MAP1B: variants seen among roughly 807,000 people sequenced by gnomAD.
The protein encoded by MAP1B is microtubule associated protein 1B.
In MAP1B, 12 loss-of-function variants were observed where a neutral mutation model predicts 176.1. The observed-to-expected ratio is 0.07, with a 90% confidence interval of 0.04 to 0.11. The LOEUF (loss-of-function observed/expected upper bound fraction) is 0.11. Among genes scored for constraint, MAP1B ranks in the 10% least tolerant of loss-of-function variants. MAP1B has a pLI of 1.00. For synonymous variants in MAP1B, 1,044 were observed against 1,135.0 expected (o/e 0.92, Z 1.61); for missense variants, 2,523 against 2,990.5 (o/e 0.84, Z 3.65).
At chr5:72,121,947 T>A (rs970097723) in intron 2 of MAP1B, among the ~76,000 whole-genome samples, 1 of 152,356 alleles carries the variant, frequency 6.6e-6, no homozygotes, top group African/African-American at 2.4e-5. Context: ...CGATTCTTTA[T>A]CCTCATGTTT....
rs759097360 is a variant in MAP1B, at chr5:72,198,724, G to A, written c.5369G>A (p.Arg1790Gln). ...TCTGATATCTCTCCACTCACCCCAC[G>A]AGAGTCCTCTCCTTTATATTCACCT... ...PKSDISPLTP[R>Q]ESSPLYSPTF... The change falls in exon 5 of 7, where the codon CGA (arginine) becomes CAA (glutamine). Residue 1790 changes from arginine (R) to glutamine (Q), a missense_variant. This residue lies in a region of MAP1B where 1,925 missense variants were observed against 2,126.0 expected (regional missense o/e 0.91). Coordinates refer to ENST00000296755, the MANE Select transcript of MAP1B (RefSeq NM_005909.5). 11 of 1,614,052 alleles carry A rather than the reference G, an allele frequency of 6.8e-6. 1 individual carries two copies. The highest frequency in any genetic ancestry group is 3.3e-4 in the Middle Eastern group (2 of 6,062).
At chr5:72,149,713 G>A (rs1746108404) in intron 2 of MAP1B, among the ~76,000 whole-genome samples, 1 of 152,196 alleles carries the variant, frequency 6.6e-6, no homozygotes, top group African/African-American at 2.4e-5. Flanking sequence ...CTGATGGGTT[G>A]GAAGAGAAAA....
In MAP1B at chr5:72,195,773, A is replaced by G. The variant is rs772597241; in HGVS notation, c.2418A>G (p.Ala806=). Residue 806 remains alanine, a synonymous_variant, in exon 5 of 7, where the codon GCA becomes GCG. Transcript: ENST00000296755. ...AAAVGTGATT[A]AVMAAAGIAA... ...CTGTCGGCACTGGAGCCACCACAGC[A>G]GCTGTCATGGCGGCAGCTGGAATAG... The G allele has an allele frequency of 1.7e-5, 27 of 1,614,154 alleles. No individual in the cohort carries two copies. The South Asian group carries it at 3.0e-4, about 18-fold the overall frequency.
chr5:72,149,147 T>C (rs1187214887), intron 2 of MAP1B, among the ~76,000 whole-genome samples: 2 of 152,198 alleles, frequency 1.3e-5, no homozygotes, highest in Admixed American at 1.3e-4. Context: ...TTTAAAAAAA[T>C]TGAATATAGT....
chr5:72,129,563 A>AT (rs2112139613), intron 2 of MAP1B, among the ~76,000 whole-genome samples: 1 of 152,262 alleles, frequency 6.6e-6, no homozygotes, highest in East Asian at 1.9e-4. Context: ...TCCTAAAAAA[A>AT]AAAAAAAGTA....
At chr5:72,188,254 G>A (rs2112221213) in intron 4 of MAP1B, among the ~76,000 whole-genome samples, 1 of 152,344 alleles carries the variant, frequency 6.6e-6, no homozygotes, top group East Asian at 1.9e-4. Flanking sequence ...CCATGTGCAT[G>A]TTGTACCCGG....
chr5:72,107,791 C>A, intron 1 of MAP1B, 76 bp downstream of exon 1: 3 of 1,489,448 alleles, frequency 2.0e-6, no homozygotes, highest in South Asian at 1.2e-5. Flanking sequence ...GCGACGGTCA[C>A]TGCGCTCCTC....
chr5:72,160,906 T>G (rs142347936), intron 2 of MAP1B, among the ~76,000 whole-genome samples: 1 of 152,132 alleles, frequency 6.6e-6, no homozygotes, highest in African/African-American at 2.4e-5. Flanking sequence ...AATGAGAGGG[T>G]CTAGACTTAG....
At chr5:72,200,803 C>G (rs947798123) in intron 5 of MAP1B, among the ~76,000 whole-genome samples, 4 of 152,084 alleles carry the variant, frequency 2.6e-5, no homozygotes, top group Admixed American at 2.6e-4. Context: ...ATCAACCAGT[C>G]TAGACCCAAG....
intron 2 of MAP1B, among the ~76,000 whole-genome samples, chr5:72,178,765 TG>T (rs1746705115): frequency 3.3e-5 from 5 of 151,654 alleles, no homozygotes; most frequent in Non-Finnish European, 7.4e-5. Flanking sequence ...TGTGTGTGTG[TG>T]TGTGTAGATG....
rs762933314 is a variant in MAP1B, at chr5:72,193,906, C to T, written c.551C>T (p.Ala184Val). The T allele has an allele frequency of 6.2e-7, 1 of 1,607,774 alleles. No individual in the cohort carries two copies. Among genetic ancestry groups the T allele is most frequent in the Admixed American group, 1.7e-5 (1 of 58,668 alleles). Reference protein sequence around the residue: ...LLSTTHPANKASLTLFCPEEG... With the variant: ...LLSTTHPANKVSLTLFCPEEG... ...AGCACCACCCATCCTGCCAACAAAG[C>T]CAGCTTAACCCTGTTCTGTCCTGAA... Residue 184 changes from alanine to valine, a missense_variant, in exon 5 of 7, where the codon GCC becomes GTC. Transcript: ENST00000296755.
chr5:72,123,527 C>T (rs1333332919), intron 2 of MAP1B, among the ~76,000 whole-genome samples: 7 of 151,982 alleles, frequency 4.6e-5, no homozygotes, highest in African/African-American at 1.7e-4. Context: ...CTCTGTCGCC[C>T]AGGCTGGAGT....
intron 2 of MAP1B, among the ~76,000 whole-genome samples, chr5:72,177,477 C>T (rs895284624): frequency 7.2e-5 from 11 of 152,144 alleles, no homozygotes; most frequent in Non-Finnish European, 1.3e-4. Context: ...GGATTCCTTC[C>T]GGCCAGGCCT....
chr5:72,118,184 C>G (rs1434378679), intron 2 of MAP1B, among the ~76,000 whole-genome samples: 1 of 152,150 alleles, frequency 6.6e-6, no homozygotes, highest in African/African-American at 2.4e-5. Flanking sequence ...AAGAATCTTT[C>G]ATTGTTTTTT....
chr5:72,164,498 G>C (rs1054779194), intron 2 of MAP1B, among the ~76,000 whole-genome samples: 1 of 152,216 alleles, frequency 6.6e-6, no homozygotes, highest in African/African-American at 2.4e-5. Flanking sequence ...AGTTTAAAAA[G>C]GGGCTGATGA....
At chr5:72,126,816 C>A (rs146464700) in intron 2 of MAP1B, among the ~76,000 whole-genome samples, 1 of 152,260 alleles carries the variant, frequency 6.6e-6, no homozygotes, top group East Asian at 1.9e-4. Flanking sequence ...GGCTGATTTC[C>A]CAGTTTGGGA....
chr5:72,111,613 T>C (rs1269868880), intron 1 of MAP1B, among the ~76,000 whole-genome samples: 2 of 152,326 alleles, frequency 1.3e-5, no homozygotes, highest in South Asian at 4.1e-4. Flanking sequence ...TTAAATTTAC[T>C]ATATTTGCCT....
chr5:72,155,590 T>C (rs754029364), intron 2 of MAP1B, among the ~76,000 whole-genome samples: 5 of 152,160 alleles, frequency 3.3e-5, no homozygotes, highest in Non-Finnish European at 7.4e-5. Flanking sequence ...GTCTACACCA[T>C]GTTCCCAGCA....
intron 2 of MAP1B, among the ~76,000 whole-genome samples, chr5:72,164,897 C>T (rs756542872): frequency 2.6e-5 from 4 of 152,016 alleles, no homozygotes; most frequent in African/African-American, 7.2e-5. Context: ...TGATATTTAC[C>T]CATGAATGAG....
Sources: allele counts gnomAD v4.1 joint callset (sites outside exome capture counted in the v4.1 genomes callset), GRCh38; gene constraint gnomAD v4.1.1; regional missense constraint gnomAD v4.1.1; transcripts MANE v1.5; gene names NCBI Gene and HGNC (gene_info 2026-07-23, HGNC 2026-07-21).